The following LRGUK variants were observed in gnomAD, a reference collection of about 807,000 sequenced individuals.
LRGUK encodes the protein leucine rich repeats and guanylate kinase domain containing.
LRGUK carries 65 observed loss-of-function variants against 76.0 expected under a neutral mutation model. That is an observed-to-expected ratio of 0.85 (90% CI 0.70 to 1.05). LRGUK has a LOEUF of 1.05. Among genes scored for constraint, LRGUK ranks in the 50% least tolerant of loss-of-function variants. The pLI, the probability that LRGUK is intolerant of heterozygous loss-of-function variation, is 0.00. For missense variants in LRGUK, 758 were observed against 732.8 expected (o/e 1.03, Z -0.40); for synonymous variants, 268 against 265.6 (o/e 1.01, Z -0.09).
intron 1 of LRGUK, 129 bp from the exon 2 acceptor site, chr7:134,136,889 TGGGGG>T: frequency 1.6e-6 from 1 of 633,208 alleles, no homozygotes; most frequent in Admixed American, 2.9e-5. Flanking sequence ...AGAATTTTTT[TGGGGG>T]TTGGTAAATT....
intron 16 of LRGUK, among the ~76,000 whole-genome samples, chr7:134,235,657 A>G (rs1456888719): frequency 2.0e-5 from 3 of 152,142 alleles, no homozygotes; most frequent in Non-Finnish European, 2.9e-5. Flanking sequence ...GGCAGAAATC[A>G]TTGTTACTCC....
rs1801153337 is a variant in LRGUK at position 134,209,495 on chromosome 7, C to T, written c.2632C>T (p.Gln878Ter). The change falls in exon 16 of 16, where the codon CAG (glutamine) becomes TAG (stop). Residue 878 changes from glutamine to a stop codon, truncating the protein, a stop_gained. Transcript: ENST00000645682. LOFTEE classifies it low-confidence loss of function (END_TRUNC). ...CTTAGCAACAGATACCAAGCAGCCC[C>T]AGGCCAGGGGAGCCCCGGGGACCTT... The T allele has an allele frequency of 2.5e-6, 1 of 399,026 alleles. No individual in the cohort carries two copies. Among genetic ancestry groups the T allele is most frequent in the Admixed American group, 4.4e-5 (1 of 22,708 alleles). 24.7% of individuals were successfully genotyped at this position (399,026 alleles called of 1,614,324 possible).
chr7:134,150,276 C>CA (rs1798157482), intron 5 of LRGUK, among the ~76,000 whole-genome samples: 1 of 61,990 alleles, frequency 1.6e-5, no homozygotes, highest in African/African-American at 8.4e-5. Flanking sequence ...GACTCTGTCT[C>CA]AAAAAACAAA....
intron 12 of LRGUK, among the ~76,000 whole-genome samples, chr7:134,195,326 G>A (rs1375483474): frequency 6.6e-6 from 1 of 152,162 alleles, no homozygotes; most frequent in African/African-American, 2.4e-5. Context: ...ATGCAAGAAG[G>A]GAGTTTGTTT....
intron 1 of LRGUK, among the ~76,000 whole-genome samples, chr7:134,133,236 T>C (rs530016476): frequency 1.3e-5 from 2 of 152,306 alleles, no homozygotes; most frequent in South Asian, 2.1e-4. Flanking sequence ...CCATGCTTGC[T>C]TTTGCTTTTG....
intron 13 of LRGUK, among the ~76,000 whole-genome samples, chr7:134,198,245 T>G (rs940856314): frequency 6.6e-6 from 1 of 152,318 alleles, no homozygotes; most frequent in Non-Finnish European, 1.5e-5. Flanking sequence ...TCTAAAAAAT[T>G]TCTTCATTTG....
At chr7:134,205,314 C>T (rs1287575181) in intron 15 of LRGUK, among the ~76,000 whole-genome samples, 1 of 152,052 alleles carries the variant, frequency 6.6e-6, no homozygotes, top group Admixed American at 6.5e-5. Context: ...TCTTGTAAGA[C>T]AGGAAAGTTC....
intron 16 of LRGUK, among the ~76,000 whole-genome samples, chr7:134,231,854 CCTTT>C (rs1012329969): frequency 1.7e-4 from 25 of 149,952 alleles, no homozygotes; most frequent in Admixed American, 3.3e-4. Flanking sequence ...TCCCTTCCTT[CCTTT>C]CTTTCATTTT....
intron 10 of LRGUK, among the ~76,000 whole-genome samples, chr7:134,179,003 A>G (rs1184684110): frequency 6.6e-6 from 1 of 150,552 alleles, no homozygotes; most frequent in Non-Finnish European, 1.5e-5. Flanking sequence ...CCTTAACAGA[A>G]AATTGTGGTA....
In LRGUK at chr7:134,158,029, G is replaced by GTA. The variant is rs1318544901; in HGVS notation, c.671-3_671-2dup. 5 of 1,609,288 alleles carry GTA rather than the reference G, an allele frequency of 3.1e-6. No homozygotes were observed. Among genetic ancestry groups the GTA allele is most frequent in the Non-Finnish European group, 4.2e-6 (5 of 1,176,522 alleles). On this transcript the variant is annotated splice_polypyrimidine_tract_variant and splice_region_variant and intron_variant, in intron 5 of 15. Transcript: ENST00000645682. ...CATTTTCCTTAAACGTAGTCATGGT[G>GTA]TATAGGCAATGAGATAGAAGAAATC...
chr7:134,247,658 A>C lies in LRGUK; in HGVS notation c.2072+14A>C, dbSNP rs1563199234. The C allele has an allele frequency of 6.3e-7, 1 of 1,576,644 alleles. No individual in the cohort carries two copies. Among genetic ancestry groups the C allele is most frequent in the Non-Finnish European group, 8.7e-7 (1 of 1,146,786 alleles). On this transcript the variant is annotated intron_variant, in intron 17 of 19. Transcript: ENST00000285928. ...CCTATTTCAAAGGTAGCAATTTATCACATGAGCAACTTTAGATTGATTTCC... is the reference window on the plus strand; with the variant it reads ...CCTATTTCAAAGGTAGCAATTTATCCCATGAGCAACTTTAGATTGATTTCC...
chr7:134,139,544 C>G (rs768737605), intron 3 of LRGUK, 27 bp downstream of exon 3: 1 of 1,432,378 alleles, frequency 7.0e-7, no homozygotes, highest in South Asian at 1.2e-5. Context: ...CTAGATTGAT[C>G]ACTGAATTAT....
chr7:134,214,219 CTTT>C (rs59354010), downstream of LRGUK, among the ~76,000 whole-genome samples: 2 of 147,794 alleles, frequency 1.4e-5, no homozygotes, highest in South Asian at 2.1e-4. Context: ...ACAGGATAGA[CTTT>C]TTTTTTTTGT....
At chr7:134,178,720 T>C in intron 10 of LRGUK, 111 bp downstream of exon 10, 2 of 668,030 alleles carry the variant, frequency 3.0e-6, no homozygotes, top group South Asian at 4.9e-5. Flanking sequence ...TAAAGGCTGC[T>C]TTTTCCCTTT....
At chr7:134,215,563 T>TA (rs1301080150) in intron 15 of LRGUK, among the ~76,000 whole-genome samples, 1 of 152,010 alleles carries the variant, frequency 6.6e-6, no homozygotes, top group Non-Finnish European at 1.5e-5. Context: ...CAGGATAAGA[T>TA]ACATCCAAAA....
intron 19 of LRGUK, among the ~76,000 whole-genome samples, chr7:134,263,543 C>T (rs1802792306): frequency 6.6e-6 from 1 of 151,584 alleles, no homozygotes; most frequent in Admixed American, 6.6e-5. Flanking sequence ...CAACTCTATA[C>T]AACCTAAGGC....
At chr7:134,189,265 AAAG>A (rs757867548) in intron 11 of LRGUK, among the ~76,000 whole-genome samples, 22 of 152,238 alleles carry the variant, frequency 1.4e-4, no homozygotes, top group Non-Finnish European at 3.2e-4. Context: ...AGACAAGGGA[AAAG>A]AAGAATTTTG....
At chr7:134,183,695 G>A in intron 10 of LRGUK, 39 bp from the exon 11 acceptor site, 2 of 1,611,486 alleles carry the variant, frequency 1.2e-6, no homozygotes, top group Non-Finnish European at 1.7e-6. Context: ...CTGTCTCCCT[G>A]ACTGCAATAG....
chr7:134,179,061 T>G (rs1418588485), intron 10 of LRGUK, among the ~76,000 whole-genome samples: 1 of 151,504 alleles, frequency 6.6e-6, no homozygotes, highest in East Asian at 2.0e-4. Context: ...GGAAGCTAAA[T>G]ACCCTTGCCA....
Sources: gnomAD v4.1 joint callset for allele counts (sites outside exome capture counted in the v4.1 genomes callset) on GRCh38, gnomAD v4.1.1 for gene constraint, MANE v1.5 for transcripts, NCBI Gene and HGNC (gene_info 2026-07-23, HGNC 2026-07-21) for gene names.